MYBL2: variants seen among roughly 807,000 people sequenced by gnomAD.
MYBL2 encodes the protein myb-related protein B.
Under a neutral mutation model 79.9 loss-of-function variants are expected in MYBL2, and 28 were observed. That is an observed-to-expected ratio of 0.35 (90% confidence interval 0.26 to 0.48). The LOEUF is 0.48. Ranked by LOEUF, MYBL2 falls within the 20% of genes least tolerant of loss-of-function variation. The pLI, the probability that MYBL2 is intolerant of heterozygous loss-of-function variation, is 0.99. For synonymous variants in MYBL2, 378 were observed against 361.2 expected (o/e 1.05, Z -0.53); for missense variants, 735 against 893.9 (o/e 0.82, Z 2.27).
At position 43,713,065 on chromosome 20, in the gene MYBL2, G is replaced by A. The variant is rs7660; in HGVS notation, c.1783G>A (p.Val595Met). The A allele has an allele frequency of 3.0e-3, 4,875 of 1,613,420 alleles. 143 individuals are homozygous for A. In the African/African-American group the frequency reaches 0.057, roughly 19 times the overall value. The change falls in exon 12 of 14, where the codon GTG becomes ATG. Residue 595 changes from valine to methionine, a missense_variant. This residue lies in a region of MYBL2 where 204 missense variants were observed against 202.9 expected (regional missense o/e 1.01). Transcript: ENST00000217026. ...GGCTCTTGACATTGTGGATGAGGATGTGAAGCTGATGATGTCCACACTGCC... is the reference window on the plus strand; with the variant it reads ...GGCTCTTGACATTGTGGATGAGGATATGAAGCTGATGATGTCCACACTGCC... ...SLALDIVDED[V>M]KLMMSTLPKS... is the part of the protein sequence containing the mutation.
At chr20:43,700,879 C>T (rs1229225998) in intron 7 of MYBL2, among the ~76,000 whole-genome samples, 1 of 152,212 alleles carries the variant, frequency 6.6e-6, no homozygotes, top group East Asian at 1.9e-4. Context: ...GCTCCTGCTA[C>T]TATCGCTTGG....
intron 5 of MYBL2, among the ~76,000 whole-genome samples, chr20:43,688,215 T>C (rs534801650): frequency 3.6e-4 from 55 of 152,038 alleles, no homozygotes; most frequent in African/African-American, 1.3e-3. Context: ...ATTCTTTTTT[T>C]TGGGAGACCA....
At chr20:43,673,275 A>G (rs1026233861) in intron 1 of MYBL2, among the ~76,000 whole-genome samples, 1 of 150,026 alleles carries the variant, frequency 6.7e-6, no homozygotes, top group Non-Finnish European at 1.5e-5. Flanking sequence ...AGCTTTTGAA[A>G]TCACTAGGGC....
At position 43,681,792 on chromosome 20, in the gene MYBL2, G is replaced by A; in HGVS notation, c.123G>A (p.Gln41=). The A allele has an allele frequency of 6.2e-7, 1 of 1,614,230 alleles. No individual in the cohort carries two copies. The highest frequency in any genetic ancestry group is 8.5e-7 in the Non-Finnish European group (1 of 1,180,046). Residue 41 remains glutamine, a synonymous_variant, in exon 3 of 14, where the codon CAG becomes CAA. Coordinates refer to ENST00000217026, the MANE Select transcript of MYBL2 (RefSeq NM_002466.4). ...KVKWTHEEDE[Q]LRALVRQFGQ... is the part of the protein sequence containing the mutation. ...CTTTCTGGTGTTGGCAGGACGAGCAGCTGAGGGCCCTGGTGAGGCAGTTTG... is the reference window on the plus strand; with the variant it reads ...CTTTCTGGTGTTGGCAGGACGAGCAACTGAGGGCCCTGGTGAGGCAGTTTG...
intron 1 of MYBL2, among the ~76,000 whole-genome samples, chr20:43,673,074 G>C (rs888370474): frequency 2.0e-5 from 3 of 151,992 alleles, no homozygotes; most frequent in Non-Finnish European, 4.4e-5. Context: ...CTCCTGAGTA[G>C]CTGAGATTAC....
At chr20:43,690,695 G>A (rs938411694) in intron 5 of MYBL2, among the ~76,000 whole-genome samples, 3 of 152,128 alleles carry the variant, frequency 2.0e-5, no homozygotes, top group Non-Finnish European at 4.4e-5. Context: ...TTCAAGGAAA[G>A]AGTATTCTGC....
In MYBL2 at chr20:43,690,217, G is replaced by GT. The variant is rs527380681; in HGVS notation, c.501-1934dup. 9.1e-3 allele frequency among the ~76,000 whole-genome samples: 1,318 copies of GT among 144,234 alleles called. 10 individuals carry two copies. The highest frequency in any genetic ancestry group is 0.013 in the Non-Finnish European group (869 of 65,504). 94.6% of individuals were successfully genotyped at this position (144,234 alleles called of 152,430 possible). Reference sequence around the variant, plus strand: ...GTTTTTTTTTTTTTGTTTGTTTTTTGTTTTTTGAGACGGAGTCTTGCTCTG... The same window carrying GT: ...GTTTTTTTTTTTTTGTTTGTTTTTTGTTTTTTTGAGACGGAGTCTTGCTCTG... On this transcript the variant is annotated intron_variant, in intron 5 of 13. Transcript: ENST00000217026.
chr20:43,689,457 C>T (rs1393643759), intron 5 of MYBL2, among the ~76,000 whole-genome samples: 1 of 152,194 alleles, frequency 6.6e-6, no homozygotes, highest in African/African-American at 2.4e-5. Flanking sequence ...GTGTTAGCTG[C>T]TTTGCCTCCT....
At chr20:43,681,523 C>T (rs534062155) in intron 2 of MYBL2, among the ~76,000 whole-genome samples, 1 of 152,326 alleles carries the variant, frequency 6.6e-6, no homozygotes, top group South Asian at 2.1e-4. Flanking sequence ...TCACCACGTA[C>T]CTCTCCATAT....
At chr20:43,695,781 CAG>C (rs1194188311) in intron 6 of MYBL2, among the ~76,000 whole-genome samples, 22 of 152,246 alleles carry the variant, frequency 1.4e-4, no homozygotes, top group Non-Finnish European at 1.9e-4. Context: ...AGTATTTCAA[CAG>C]AGTGAGACTC....
chr20:43,700,108 C>A (rs552918354), intron 7 of MYBL2, 64 bp downstream of exon 7: 4 of 1,566,856 alleles, frequency 2.6e-6, no homozygotes, highest in South Asian at 2.3e-5. Flanking sequence ...GCTTCTCTCT[C>A]AGGCCCACAT....
At chr20:43,696,788 GTGACC>G (rs1446629507) in intron 6 of MYBL2, among the ~76,000 whole-genome samples, 10 of 152,342 alleles carry the variant, frequency 6.6e-5, no homozygotes, top group Admixed American at 1.3e-4. Flanking sequence ...GTGCAGTGGT[GTGACC>G]TTGGCTCACT....
intron 5 of MYBL2, among the ~76,000 whole-genome samples, chr20:43,689,412 C>G (rs2145719744): frequency 6.6e-6 from 1 of 152,296 alleles, no homozygotes; most frequent in South Asian, 2.1e-4. Flanking sequence ...GTGCCACCAG[C>G]CTCACCTTGA....
intron 1 of MYBL2, among the ~76,000 whole-genome samples, chr20:43,672,318 G>C: frequency 6.6e-6 from 1 of 152,334 alleles, no homozygotes; most frequent in South Asian, 2.1e-4. Flanking sequence ...AGCCAGACAC[G>C]GTGGTGCACA....
At chr20:43,693,188 C>A (rs384132) in intron 6 of MYBL2, among the ~76,000 whole-genome samples, 138,115 of 152,006 alleles carry the variant, frequency 0.91, 62,846 homozygotes, top group South Asian at 0.93. Context: ...TGCACCACCA[C>A]GCCTGACTAA....
intron 12 of MYBL2, among the ~76,000 whole-genome samples, chr20:43,713,381 C>CT (rs1231981804): frequency 6.5e-4 from 96 of 148,510 alleles, no homozygotes; most frequent in African/African-American, 2.2e-3. Context: ...AGTGATGTGT[C>CT]TTTTTTTTTC....
chr20:43,687,108 G>T (rs1432139671), intron 5 of MYBL2, 36 bp downstream of exon 5: 1 of 1,597,192 alleles, frequency 6.3e-7, no homozygotes. Flanking sequence ...ACAGGTTCCC[G>T]GGAGGCCAGG....
In MYBL2 at chr20:43,716,219, T is replaced by G; in HGVS notation, c.*132T>G. On this transcript the variant is annotated 3_prime_UTR_variant, in exon 14 of 14. Coordinates refer to ENST00000217026, the MANE Select transcript of MYBL2 (RefSeq NM_002466.4). ...CTGCCACCAGCCCCTCCCCAGACTC[T>G]CAGGTGGAGGCAACAGGGCCATGTG... The G allele has an allele frequency of 7.2e-7, 1 of 1,397,066 alleles. No homozygotes were observed. 86.5% of individuals were successfully genotyped at this position (1,397,066 alleles called of 1,614,324 possible).
chr20:43,674,765 C>T (rs994297806), intron 2 of MYBL2, among the ~76,000 whole-genome samples: 8 of 152,074 alleles, frequency 5.3e-5, no homozygotes. Context: ...CTCCTGACCC[C>T]AGGTGATCCA....
Sources: gnomAD v4.1 joint callset for allele counts (sites outside exome capture counted in the v4.1 genomes callset) on GRCh38, gnomAD v4.1.1 for gene constraint, gnomAD v4.1.1 regional missense constraint, MANE v1.5 for transcripts, NCBI Gene and HGNC (gene_info 2026-07-23, HGNC 2026-07-21) for gene names.